Variants in ARHGAP39 observed in about 807,000 individuals in gnomAD.
ARHGAP39 encodes rho GTPase-activating protein 39.
In ARHGAP39, 44 loss-of-function variants were observed where a neutral mutation model predicts 106.9. The observed-to-expected ratio is 0.41, with a 90% CI of 0.32 to 0.53. The LOEUF (loss-of-function observed/expected upper bound fraction) is 0.53, where lower values mean the gene tolerates loss of function less well. Among genes scored for constraint, ARHGAP39 ranks in the 20% least tolerant of loss-of-function variants. The pLI is 0.21. For synonymous variants in ARHGAP39, 768 were observed against 693.2 expected (o/e 1.11, Z -1.69); for missense variants, 1,496 against 1,577.3 (o/e 0.95, Z 0.87).
At chr8:144,686,135 C>T (rs530503451), upstream of ARHGAP39, among the ~76,000 whole-genome samples, 1 of 152,230 alleles carries the variant, frequency 6.6e-6, no homozygotes, top group South Asian at 2.1e-4. Context: ...TCTGACACGT[C>T]TCGGTGTGGT....
intron 3 of ARHGAP39, among the ~76,000 whole-genome samples, chr8:144,569,123 A>C (rs907485721): frequency 6.6e-6 from 1 of 152,240 alleles, no homozygotes; most frequent in Non-Finnish European, 1.5e-5. Flanking sequence ...GAAATGAGAG[A>C]TACCATGCTA....
intron 2 of ARHGAP39, among the ~76,000 whole-genome samples, chr8:144,581,927 C>T (rs1819007399): frequency 6.6e-6 from 1 of 152,214 alleles, no homozygotes. Context: ...CCCTTAGAGG[C>T]ACCAAGAGCC....
In ARHGAP39 at chr8:144,609,693, C is replaced by T. The variant is rs561548312; in HGVS notation, c.-81-3998G>A. On this transcript the variant is annotated intron_variant, in intron 1 of 11. Transcript: ENST00000377307. ...TTGGGATTACAGGCGTGAGCCACCG[C>T]GCCTGGCCATATTGTCCTTTTTATA... is the stretch of plus-strand genomic sequence containing the variant. 5.3e-5 allele frequency among the ~76,000 whole-genome samples: 8 copies of T among 151,960 alleles called. 1 individual carries two copies. Among genetic ancestry groups the T allele is most frequent in the South Asian group, 4.2e-4 (2 of 4,816 alleles).
At chr8:144,582,737 T>G (rs1161365329) in intron 2 of ARHGAP39, among the ~76,000 whole-genome samples, 1 of 151,918 alleles carries the variant, frequency 6.6e-6, no homozygotes. Context: ...ACCACAGTGG[T>G]GCACTCAGAA....
At chr8:144,655,448 TC>T (rs1347488595) in intron 1 of ARHGAP39, among the ~76,000 whole-genome samples, 2 of 151,836 alleles carry the variant, frequency 1.3e-5, no homozygotes, top group Admixed American at 6.6e-5. Flanking sequence ...GGGCTTCTTC[TC>T]TGCTAGGAGC....
At chr8:144,623,377 CAA>C (rs1265836181) in intron 1 of ARHGAP39, among the ~76,000 whole-genome samples, 1 of 152,120 alleles carries the variant, frequency 6.6e-6, no homozygotes, top group East Asian at 1.9e-4. Flanking sequence ...CTAGTTAAGA[CAA>C]AGACTGTCAG....
chr8:144,606,390 G>C (rs984280386), intron 1 of ARHGAP39, among the ~76,000 whole-genome samples: 1 of 152,182 alleles, frequency 6.6e-6, no homozygotes, highest in Non-Finnish European at 1.5e-5. Context: ...ATGTGAACAC[G>C]ACGAGGATGA....
At chr8:144,676,670 C>A (rs767258175) in intron 1 of ARHGAP39, among the ~76,000 whole-genome samples, 5 of 152,266 alleles carry the variant, frequency 3.3e-5, no homozygotes, top group African/African-American at 4.8e-5. Context: ...AGCCCGGGCA[C>A]TCCGGCAGCC....
intron 3 of ARHGAP39, among the ~76,000 whole-genome samples, chr8:144,569,586 T>C (rs920732782): frequency 6.6e-6 from 1 of 152,078 alleles, no homozygotes; most frequent in Non-Finnish European, 1.5e-5. Flanking sequence ...AATTAATCTA[T>C]AGTGAAGCAG....
Position 144,661,437 on chromosome 8 carries a change from G to A in ARHGAP39, c.-82+24249C>T, listed in dbSNP as rs150485392. ...TCCTGTGATAGTCTCAACTCTCTTGGGCCCATGCTTACCTGGCAAACACCT... is the reference window on the plus strand; with the variant it reads ...TCCTGTGATAGTCTCAACTCTCTTGAGCCCATGCTTACCTGGCAAACACCT... On this transcript the variant is annotated intron_variant, in intron 1 of 11. Coordinates refer to ENST00000377307, the MANE Select transcript of ARHGAP39 (RefSeq NM_025251.3). Among the ~76,000 whole-genome samples the A allele has an allele frequency of 1.3e-3, 193 of 152,238 alleles. No individual in the cohort carries two copies. In the Middle Eastern group the frequency reaches 0.024, roughly 19 times the overall value.
intron 1 of ARHGAP39, among the ~76,000 whole-genome samples, chr8:144,664,567 C>T (rs1435994182): frequency 6.6e-6 from 1 of 152,230 alleles, no homozygotes; most frequent in East Asian, 1.9e-4. Context: ...ACCCAAATCT[C>T]AACTTGTACT....
Position 144,555,586 on chromosome 8 carries a change from A to G in ARHGAP39, c.570T>C (p.Ser190=), listed in dbSNP as rs777220584. 1 of 1,614,076 alleles carries G rather than the reference A, an allele frequency of 6.2e-7. No individual in the cohort carries two copies. The highest frequency in any genetic ancestry group is 1.1e-5 in the South Asian group (1 of 91,086). The change falls in exon 4 of 12, where the codon AGT becomes AGC. Residue 190 remains serine, a synonymous_variant. Transcript: ENST00000377307. ...TGTAGTGAAGAAGCTGGCCGTCCGC[A>G]CTGTAATCCCGGTAAATCTCATAGT... is the stretch of plus-strand genomic sequence containing the variant. ...EKDYEIYRDY[S]ADGQLLHYRT...
At chr8:144,530,665 A>AGGGGGGGG in intron 11 of ARHGAP39, 37 bp downstream of exon 11, 1 of 913,538 alleles carries the variant, frequency 1.1e-6, no homozygotes, top group Non-Finnish European at 1.4e-6. Context: ...CGGGGCGGGG[A>AGGGGGGGG]GGGGAAAGCA....
At chr8:144,589,937 C>T (rs895342127) in intron 2 of ARHGAP39, among the ~76,000 whole-genome samples, 1 of 152,256 alleles carries the variant, frequency 6.6e-6, no homozygotes, top group African/African-American at 2.4e-5. Flanking sequence ...GAGCCCCGCC[C>T]ACAAGAGGGA....
Position 144,547,829 on chromosome 8 carries a change from C to G in ARHGAP39, c.1257G>C (p.Ala419=). The G allele has an allele frequency of 6.3e-7, 1 of 1,591,148 alleles. No homozygotes were observed. Among genetic ancestry groups the G allele is most frequent in the Non-Finnish European group, 8.5e-7 (1 of 1,170,472 alleles). Residue 419 remains alanine, a synonymous_variant, in exon 5 of 12, where the codon GCG becomes GCC. Transcript: ENST00000377307. The surrounding 1 kb of genome is among the most constrained non-coding windows in gnomAD (Gnocchi z 5.2). ...AGTACGAACCACCGCCGGGGTTGGG[C>G]GCGTACTTGTGCCGCGGGCCGGCGC... ...KLRAGPRHKY[A]PNPGGGSYSL...
chr8:144,566,225 A>G (rs1818390798), intron 3 of ARHGAP39, among the ~76,000 whole-genome samples: 1 of 152,116 alleles, frequency 6.6e-6, no homozygotes, highest in African/African-American at 2.4e-5. Flanking sequence ...AATGACATAA[A>G]CCCCTATCTT....
chr8:144,698,286 G>A, the ARHGAP39 span, among the ~76,000 whole-genome samples: 2 of 152,148 alleles, frequency 1.3e-5, no homozygotes, highest in Admixed American at 1.3e-4. Flanking sequence ...TCCACCATAA[G>A]TGAAAGCAGC....
At chr8:144,612,749 GA>G in intron 1 of ARHGAP39, among the ~76,000 whole-genome samples, 1 of 150,894 alleles carries the variant, frequency 6.6e-6, no homozygotes, top group African/African-American at 2.4e-5. Context: ...AGAGTGAGGT[GA>G]GCCACGGCTG....
At chr8:144,612,878 C>G (rs996680081) in intron 1 of ARHGAP39, among the ~76,000 whole-genome samples, 3 of 152,264 alleles carry the variant, frequency 2.0e-5, no homozygotes, top group Admixed American at 2.0e-4. Flanking sequence ...TTTTAGCCCA[C>G]ATATATGTGA....
Sources: gnomAD v4.1 joint callset for allele counts (sites outside exome capture counted in the v4.1 genomes callset) on GRCh38, gnomAD v4.1.1 for gene constraint, Gnocchi (gnomAD v3.1) non-coding constraint, MANE v1.5 for transcripts, NCBI Gene and HGNC (gene_info 2026-07-23, HGNC 2026-07-21) for gene names.